The following MAP4 variants were observed in gnomAD, a reference collection of about 807,000 sequenced individuals.
The protein encoded by MAP4 is microtubule associated protein 4.
Under a neutral mutation model 170.2 loss-of-function variants are expected in MAP4, and 76 were observed. The observed-to-expected ratio is 0.45, with a 90% CI of 0.37 to 0.54. MAP4 has a LOEUF of 0.54. MAP4 is among the 20% of genes least tolerant of loss of function. The pLI is 0.00. For synonymous variants in MAP4, 909 were observed against 994.5 expected, an observed-to-expected ratio of 0.91 and a Z score of 1.62; for missense variants, 2,506 against 2,748.0, an observed-to-expected ratio of 0.91 and a Z score of 1.97.
intron 5 of MAP4, among the ~76,000 whole-genome samples, chr3:47,921,129 C>T (rs1489686033): frequency 6.6e-6 from 1 of 152,068 alleles, no homozygotes; most frequent in East Asian, 1.9e-4. Context: ...ACCTGGGTGA[C>T]AGAGTGAGAC....
Position 48,067,285 on chromosome 3 carries a change from A to C in MAP4, c.-20+21488T>G, listed in dbSNP as rs79692835. 8.9e-3 allele frequency among the ~76,000 whole-genome samples: 1,350 copies of C among 152,170 alleles called. 11 individuals are homozygous for C. Among genetic ancestry groups the C allele is most frequent in the East Asian group, 0.019 (96 of 5,184 alleles). ...ATTTTACAGTAGAGGGGAAAAAAAA[A>C]CCTCAACACAATACTAAAGGTCTGG... On this transcript the variant is annotated intron_variant, in intron 1 of 18. Transcript: ENST00000360240.
chr3:47,929,922 A>G (rs2100048486), intron 3 of MAP4, among the ~76,000 whole-genome samples: 1 of 151,840 alleles, frequency 6.6e-6, no homozygotes, highest in Non-Finnish European at 1.5e-5. Context: ...TGAAGTTAGG[A>G]ATTCAAGACC....
At chr3:47,866,901 G>A (rs1454264337) in intron 17 of MAP4, among the ~76,000 whole-genome samples, 2 of 152,122 alleles carry the variant, frequency 1.3e-5, no homozygotes, top group East Asian at 1.9e-4. Flanking sequence ...CATGCAGACC[G>A]ACATACACAT....
chr3:47,853,777 TC>T (rs1213926769), intron 19 of MAP4, among the ~76,000 whole-genome samples: 6 of 138,472 alleles, frequency 4.3e-5, no homozygotes, highest in Non-Finnish European at 7.7e-5. Flanking sequence ...CAGAGTGGGG[TC>T]CTCAGTAGCT....
At chr3:48,036,119 G>C (rs980597874) in intron 1 of MAP4, among the ~76,000 whole-genome samples, 1 of 152,206 alleles carries the variant, frequency 6.6e-6, no homozygotes, top group Non-Finnish European at 1.5e-5. Context: ...TGCTCAGCTA[G>C]TAAAGTGGCA....
At chr3:48,015,719 T>A (rs889066812) in intron 1 of MAP4, among the ~76,000 whole-genome samples, 1 of 152,210 alleles carries the variant, frequency 6.6e-6, no homozygotes, top group Non-Finnish European at 1.5e-5. Context: ...CCACAAAACC[T>A]TGATTTATAC....
Position 47,916,055 on chromosome 3 carries a change from T to G in MAP4, c.1772A>C (p.Asp591Ala), listed in dbSNP as rs779831698. 40 of 1,614,098 alleles carry G rather than the reference T, an allele frequency of 2.5e-5. 1 individual carries two copies. In the South Asian group the frequency reaches 4.3e-4, roughly 17 times the overall value. The change falls in exon 7 of 21, where the codon GAC (aspartate) becomes GCC (alanine). Residue 591 changes from aspartate to alanine, a missense_variant. Asp to Ala is a moderately radical substitution (Grantham distance 126). Transcript: ENST00000683076. ...ETEATPVPIK[D>A]MEIAQTQKGI... ...TTTTTGTGTTTGTGCAATTTCCATG[T>G]CTTTAATTGGAACTGGTGTTGCCTC...
At chr3:48,057,419 G>C (rs1442755485) in intron 1 of MAP4, among the ~76,000 whole-genome samples, 23 of 125,940 alleles carry the variant, frequency 1.8e-4, no homozygotes, top group African/African-American at 5.7e-4. Context: ...CAGCATGCTC[G>C]TTAAGAGTCA....
At chr3:47,891,465 G>A in intron 10 of MAP4, 3 of 1,525,986 alleles carry the variant, frequency 2.0e-6, no homozygotes, top group Non-Finnish European at 2.6e-6. Flanking sequence ...CCAGGTGTAG[G>A]ACTAGGCATT....
At position 47,909,449 on chromosome 3, in the gene MAP4, G is replaced by A. The variant is rs768149047; in HGVS notation, c.4972C>T (p.Leu1658=). The change falls in exon 9 of 21, where the codon CTG becomes TTG. Residue 1658 remains leucine, a synonymous_variant. Transcript: ENST00000683076. The part of the protein sequence containing the change: ...GSDSLNKKVD[L]TLLSPKSEND... The stretch of plus-strand genomic sequence containing the variant: ...TCACTTTTTGGAGACAAAAGAGTCA[G>A]ATCTACCTTCTTATTCAAACTATCT... 3.1e-6 allele frequency: 5 copies of A among 1,613,722 alleles called. No individual in the cohort carries two copies. The African/African-American group carries it at 6.7e-5, about 22-fold the overall frequency.
At chr3:48,025,292 CTTTTTT>C (rs35840095) in intron 1 of MAP4, among the ~76,000 whole-genome samples, 1 of 137,208 alleles carries the variant, frequency 7.3e-6, no homozygotes, top group Admixed American at 7.3e-5. Context: ...TACCTACACA[CTTTTTT>C]TTTTTTTTTT....
Position 47,855,165 on chromosome 3 carries a change from G to A in MAP4, c.6696+83C>T. 2.3e-6 allele frequency: 2 copies of A among 887,810 alleles called. No individual in the cohort carries two copies. The highest frequency in any genetic ancestry group is 1.9e-6 in the Non-Finnish European group (1 of 529,588). 55.0% of individuals were successfully genotyped at this position (887,810 alleles called of 1,614,324 possible). On this transcript the variant is annotated intron_variant, in intron 19 of 20. Transcript: ENST00000683076. The surrounding 1 kb of genome is among the most constrained non-coding windows in gnomAD (Gnocchi z 5.1). Reference sequence around the variant, plus strand: ...TGAAGAGACTGAGGGGCGGTGACAGGTGCCTACCTGTGAGGACCCTGACCC... The same window carrying A: ...TGAAGAGACTGAGGGGCGGTGACAGATGCCTACCTGTGAGGACCCTGACCC...
At chr3:48,012,036 T>C (rs756797707) in intron 1 of MAP4, among the ~76,000 whole-genome samples, 1 of 152,186 alleles carries the variant, frequency 6.6e-6, no homozygotes, top group Non-Finnish European at 1.5e-5. Context: ...CCGTTTGGCA[T>C]GATTGATCCC....
intron 6 of MAP4, 22 bp from the exon 7 acceptor site, chr3:47,917,196 C>A: frequency 2.5e-6 from 4 of 1,596,178 alleles, no homozygotes; most frequent in Non-Finnish European, 3.4e-6. Context: ...ATTTAGGACA[C>A]ATCATTGTCT....
At chr3:47,951,997 C>T (rs1350161207) in intron 3 of MAP4, among the ~76,000 whole-genome samples, 1 of 151,228 alleles carries the variant, frequency 6.6e-6, no homozygotes, top group East Asian at 2.0e-4. Context: ...CGCCTCTGCC[C>T]CGCCACCCCG....
chr3:48,038,516 A>C (rs1282312724), intron 1 of MAP4, among the ~76,000 whole-genome samples: 1 of 140,214 alleles, frequency 7.1e-6, no homozygotes, highest in Non-Finnish European at 1.5e-5. Context: ...GCTGGAGTGC[A>C]GTGGCACGAT....
At chr3:48,017,403 C>A (rs998247101), upstream of MAP4, among the ~76,000 whole-genome samples, 3 of 152,118 alleles carry the variant, frequency 2.0e-5, no homozygotes, top group African/African-American at 7.2e-5. Context: ...GGGAGGCAGG[C>A]AGGAAGAATC....
chr3:48,077,272 A>T (rs1030565325), intron 1 of MAP4, among the ~76,000 whole-genome samples: 1 of 151,376 alleles, frequency 6.6e-6, no homozygotes, highest in African/African-American at 2.4e-5. Flanking sequence ...GAGAAACCCC[A>T]CTCTACTAAA....
At chr3:47,919,018 G>A (rs1400850490) in intron 5 of MAP4, among the ~76,000 whole-genome samples, 177 bp from the exon 6 acceptor site, 2 of 151,820 alleles carry the variant, frequency 1.3e-5, no homozygotes, top group African/African-American at 2.4e-5. Context: ...TGCAAGCTCC[G>A]CTTCCCGGGT....
Sources: allele counts gnomAD v4.1 joint callset (sites outside exome capture counted in the v4.1 genomes callset), GRCh38; gene constraint gnomAD v4.1.1; non-coding constraint Gnocchi (gnomAD v3.1); transcripts MANE v1.5; gene names NCBI Gene and HGNC (gene_info 2026-07-23, HGNC 2026-07-21).